The following RORA variants were observed in gnomAD, a reference collection of about 807,000 sequenced individuals.
RORA encodes the protein RAR related orphan receptor A.
Under a neutral mutation model 69.5 loss-of-function variants are expected in RORA, and 7 were observed. That is an observed-to-expected ratio of 0.10 (90% CI 0.06 to 0.19). The LOEUF (loss-of-function observed/expected upper bound fraction) is 0.19, where lower values mean the gene tolerates loss of function less well. RORA is among the 10% of genes least tolerant of loss of function. The probability of loss-of-function intolerance (pLI) is 1.00; values close to 1 mark genes in which losing one functional copy is unlikely to be tolerated. For synonymous variants in RORA, 261 were observed against 240.8 expected, an observed-to-expected ratio of 1.08 and a Z score of -0.78; for missense variants, 457 against 663.0, an observed-to-expected ratio of 0.69 and a Z score of 3.41.
chr15:61,011,010 T>C (rs893841691), intron 1 of RORA, among the ~76,000 whole-genome samples: 3 of 152,210 alleles, frequency 2.0e-5, no homozygotes, highest in Admixed American at 6.5e-5. Context: ...CTTATATGAT[T>C]ATTACTTCAT....
intron 3 of RORA, among the ~76,000 whole-genome samples, chr15:60,523,054 A>C (rs547011756): frequency 4.1e-4 from 63 of 152,022 alleles, no homozygotes; most frequent in East Asian, 2.5e-3. Context: ...AAAACACAAA[A>C]AAAAAAACTG....
At chr15:60,935,858 T>A (rs938564976) in intron 1 of RORA, among the ~76,000 whole-genome samples, 4 of 152,254 alleles carry the variant, frequency 2.6e-5, no homozygotes, top group African/African-American at 9.6e-5. Context: ...TCCTAAGACG[T>A]GTATCTTCCC....
chr15:60,739,656 T>A (rs2071548119), intron 1 of RORA, among the ~76,000 whole-genome samples: 3 of 151,780 alleles, frequency 2.0e-5, no homozygotes, highest in Admixed American at 6.6e-5. Context: ...TGGGGGAAGG[T>A]GAACTTCTCT....
At chr15:61,006,407 T>C (rs566150168) in intron 1 of RORA, among the ~76,000 whole-genome samples, 2 of 152,300 alleles carry the variant, frequency 1.3e-5, no homozygotes, top group Admixed American at 1.3e-4. Context: ...TTCTGACTCG[T>C]TGGAACTCAG....
chr15:60,841,929 G>A (rs1224690419), intron 1 of RORA, among the ~76,000 whole-genome samples: 1 of 152,286 alleles, frequency 6.6e-6, no homozygotes, highest in African/African-American at 2.4e-5. Flanking sequence ...GTGGGACCTG[G>A]GTCCAGTGAT....
At chr15:60,954,331 T>C (rs1893202603) in intron 1 of RORA, among the ~76,000 whole-genome samples, 1 of 146,036 alleles carries the variant, frequency 6.8e-6, no homozygotes, top group Non-Finnish European at 1.5e-5. Context: ...TTGGGAGATA[T>C]ACCTAATGCT....
intron 2 of RORA, among the ~76,000 whole-genome samples, chr15:60,558,968 G>A (rs1374848003): frequency 6.6e-6 from 1 of 152,154 alleles, no homozygotes; most frequent in African/African-American, 2.4e-5. Context: ...ACACTAAAGT[G>A]TAATAGTTGA....
chr15:60,549,466 C>A (rs917210894), intron 2 of RORA, among the ~76,000 whole-genome samples: 1 of 152,108 alleles, frequency 6.6e-6, no homozygotes, highest in Non-Finnish European at 1.5e-5. Flanking sequence ...CACTATAAGA[C>A]CAAGGTACTA....
intron 1 of RORA, among the ~76,000 whole-genome samples, chr15:60,835,978 A>G (rs899933519): frequency 6.6e-6 from 1 of 152,244 alleles, no homozygotes; most frequent in Non-Finnish European, 1.5e-5. Flanking sequence ...CAAGGCATAC[A>G]TGAATACCTA....
intron 1 of RORA, among the ~76,000 whole-genome samples, chr15:60,746,231 T>A (rs1303617469): frequency 1.3e-5 from 2 of 152,028 alleles, no homozygotes; most frequent in Non-Finnish European, 2.9e-5. Flanking sequence ...TCCCAAAAGG[T>A]GTTAAGTTAA....
At chr15:60,648,518 C>T (rs1324348680) in intron 2 of RORA, among the ~76,000 whole-genome samples, 1 of 152,172 alleles carries the variant, frequency 6.6e-6, no homozygotes, top group Non-Finnish European at 1.5e-5. Flanking sequence ...AACACTACTA[C>T]AGAAAAATGC....
In RORA at chr15:60,883,130, CAAA is replaced by C. The variant is rs60074751; in HGVS notation, c.167-204447_167-204445del. Among the ~76,000 whole-genome samples the C allele has an allele frequency of 1.3e-3, 54 of 43,112 alleles. 1 individual carries two copies. Among genetic ancestry groups the C allele is most frequent in the Admixed American group, 6.7e-3 (22 of 3,266 alleles). 28.3% of individuals were successfully genotyped at this position (43,112 alleles called of 152,430 possible). A position where few individuals can be genotyped will look rare whatever the true frequency, so the allele number is the denominator to read the frequency against. On this transcript the variant is annotated intron_variant, in intron 1 of 10. Transcript: ENST00000335670. Reference sequence around the variant, plus strand: ...TGGGCGACAGAGAGAGACATCGTCTCAAAAAAAAAAAAAAAAAAAAAGAAAGAG... The same window carrying C: ...TGGGCGACAGAGAGAGACATCGTCTCAAAAAAAAAAAAAAAAAAGAAAGAG...
chr15:61,015,959 G>T (rs1895270251), intron 1 of RORA, among the ~76,000 whole-genome samples: 1 of 152,194 alleles, frequency 6.6e-6, no homozygotes, highest in African/African-American at 2.4e-5. Context: ...GATAAACCAG[G>T]GGGAACGTGG....
At chr15:61,005,802 C>T (rs1894893333) in intron 1 of RORA, among the ~76,000 whole-genome samples, 1 of 152,130 alleles carries the variant, frequency 6.6e-6, no homozygotes, top group Non-Finnish European at 1.5e-5. Context: ...CCAGTCTAAA[C>T]TATATAAACT....
intron 1 of RORA, among the ~76,000 whole-genome samples, chr15:60,948,328 C>T (rs1001915648): frequency 6.6e-6 from 1 of 151,692 alleles, no homozygotes; most frequent in African/African-American, 2.4e-5. Context: ...GATGCAAATA[C>T]AAGGCATCAT....
In RORA at chr15:60,571,506, G is replaced by A. The variant is rs576358934; in HGVS notation, c.197-39655C>T. Among the ~76,000 whole-genome samples the A allele has an allele frequency of 2.2e-4, 33 of 152,166 alleles. 1 individual carries two copies. The South Asian group carries it at 5.4e-3, about 25-fold the overall frequency. On this transcript the variant is annotated intron_variant, in intron 2 of 10. Transcript: ENST00000335670. ...GCCTAGTTTTTAAAAGAGTTAAAGAGGCCTAAGACATCACTTACAGCACTT... is the reference window on the plus strand; with the variant it reads ...GCCTAGTTTTTAAAAGAGTTAAAGAAGCCTAAGACATCACTTACAGCACTT...
intron 1 of RORA, among the ~76,000 whole-genome samples, chr15:60,885,900 G>T (rs907788100): frequency 6.6e-6 from 1 of 152,310 alleles, no homozygotes; most frequent in Admixed American, 6.5e-5. Context: ...TCAGGAAGAG[G>T]TATGCACAGC....
At chr15:60,636,055 T>C (rs1438138118) in intron 2 of RORA, among the ~76,000 whole-genome samples, 2 of 152,330 alleles carry the variant, frequency 1.3e-5, no homozygotes, top group East Asian at 3.9e-4. Flanking sequence ...TCAGGTTAAA[T>C]AGTCTCTCTG....
intron 1 of RORA, among the ~76,000 whole-genome samples, chr15:61,069,592 C>T (rs2078311370): frequency 6.6e-6 from 1 of 151,932 alleles, no homozygotes; most frequent in African/African-American, 2.4e-5. Context: ...CATCTGAAAC[C>T]AATTACATTC....
Sources: allele counts gnomAD v4.1 joint callset (sites outside exome capture counted in the v4.1 genomes callset), GRCh38; gene constraint gnomAD v4.1.1; transcripts MANE v1.5; gene names NCBI Gene and HGNC (gene_info 2026-07-23, HGNC 2026-07-21).